KIDINS220: variants seen among roughly 807,000 people sequenced by gnomAD.
KIDINS220 encodes kinase D interacting substrate 220.
Under a neutral mutation model 157.6 loss-of-function variants are expected in KIDINS220, and 63 were observed. The observed-to-expected ratio is 0.40, with a 90% CI of 0.33 to 0.49. The LOEUF is 0.49. KIDINS220 is among the 20% of genes least tolerant of loss of function. The probability of loss-of-function intolerance (pLI) is 0.66; values close to 1 mark genes in which losing one functional copy is unlikely to be tolerated. For synonymous variants in KIDINS220, 732 were observed against 783.6 expected, an observed-to-expected ratio of 0.93 and a Z score of 1.10; for missense variants, 1,772 against 2,171.2, an observed-to-expected ratio of 0.82 and a Z score of 3.65.
intron 2 of KIDINS220, among the ~76,000 whole-genome samples, chr2:8,821,210 T>C (rs1054382023): frequency 6.6e-6 from 1 of 151,758 alleles, no homozygotes. Context: ...GTAGGAAAGA[T>C]GGTATAAATT....
intron 2 of KIDINS220, among the ~76,000 whole-genome samples, chr2:8,826,473 T>C (rs1000659509): frequency 4.6e-5 from 7 of 152,164 alleles, no homozygotes. Context: ...CCGAGCGTGG[T>C]GGCACATGCC....
At chr2:8,822,890 A>G (rs1369623656) in intron 2 of KIDINS220, among the ~76,000 whole-genome samples, 1 of 152,234 alleles carries the variant, frequency 6.6e-6, no homozygotes, top group East Asian at 1.9e-4. Context: ...AAATAAAGCA[A>G]TAAAAGGAAA....
intron 22 of KIDINS220, among the ~76,000 whole-genome samples, chr2:8,756,339 G>A (rs1668009380): frequency 6.6e-6 from 1 of 152,142 alleles, no homozygotes; most frequent in African/African-American, 2.4e-5. Context: ...TGCAAACTTT[G>A]CTGATTAATT....
chr2:8,759,457 A>C (rs766185997), intron 22 of KIDINS220, among the ~76,000 whole-genome samples: 5 of 151,644 alleles, frequency 3.3e-5, no homozygotes. Flanking sequence ...TTATGTTTTT[A>C]TATGAAGGAA....
chr2:8,808,219 A>G (rs1308142687), intron 6 of KIDINS220, among the ~76,000 whole-genome samples: 1 of 152,184 alleles, frequency 6.6e-6, no homozygotes, highest in African/African-American at 2.4e-5. Context: ...TCTCTTTTCT[A>G]GCCTCCTCTT....
Position 8,789,986 on chromosome 2 carries a change from G to A in KIDINS220, c.1515C>T (p.Thr505=), listed in dbSNP as rs1672972892. ...FQFSWLIVFL[T]LLLCGGLGLL... Reference sequence around the variant, plus strand: ...AACCAAGCCCTCCACAAAGTAGCAGGGTAAGAAACACTATGAGCCATGAGA... The same window carrying A: ...AACCAAGCCCTCCACAAAGTAGCAGAGTAAGAAACACTATGAGCCATGAGA... Residue 505 remains threonine, a synonymous_variant, in exon 14 of 30, where the codon ACC becomes ACT. Coordinates refer to ENST00000256707, the MANE Select transcript of KIDINS220 (RefSeq NM_020738.4). 6.2e-7 allele frequency: 1 copy of A among 1,613,516 alleles called. No homozygotes were observed. Among genetic ancestry groups the A allele is most frequent in the African/African-American group, 1.3e-5 (1 of 74,870 alleles).
chr2:8,744,415 T>A (rs1226303737), intron 26 of KIDINS220, among the ~76,000 whole-genome samples: 7 of 82,590 alleles, frequency 8.5e-5, no homozygotes, highest in East Asian at 1.1e-3. Flanking sequence ...TATATATATA[T>A]ATATATATAT....
chr2:8,791,160 C>T lies in KIDINS220; in HGVS notation c.1341G>A (p.Leu447=). ...MLGYDLYSSA[L]ADILSEPTMQ... ...TGGTAGGCTCACTGAGAATATCTGC[C>T]AGGGCACTGCTATATAAATCATATC... Residue 447 remains leucine, a synonymous_variant, in exon 13 of 30, where the codon CTG becomes CTA. Coordinates refer to ENST00000256707, the MANE Select transcript of KIDINS220 (RefSeq NM_020738.4). 1 of 1,614,032 alleles carries T rather than the reference C, an allele frequency of 6.2e-7. No individual in the cohort carries two copies. The highest frequency in any genetic ancestry group is 1.3e-5 in the African/African-American group (1 of 75,020).
chr2:8,743,055 T>A (rs1234077198), intron 26 of KIDINS220, among the ~76,000 whole-genome samples: 3 of 152,158 alleles, frequency 2.0e-5, no homozygotes, highest in Non-Finnish European at 4.4e-5. Context: ...GCCTCAATAC[T>A]AGGTCCTTTG....
intron 6 of KIDINS220, among the ~76,000 whole-genome samples, chr2:8,811,935 T>C (rs1031216125): frequency 6.6e-6 from 1 of 151,982 alleles, no homozygotes; most frequent in Admixed American, 6.6e-5. Flanking sequence ...CAAGGAACCA[T>C]GGCGGACAAG....
intron 21 of KIDINS220, among the ~76,000 whole-genome samples, chr2:8,775,710 G>A (rs1220901854): frequency 1.3e-5 from 2 of 152,200 alleles, no homozygotes; most frequent in African/African-American, 2.4e-5. Context: ...GAGGAGCTTT[G>A]CTGAGAAATG....
intron 6 of KIDINS220, among the ~76,000 whole-genome samples, chr2:8,811,649 G>A (rs886972400): frequency 2.6e-5 from 4 of 152,094 alleles, no homozygotes; most frequent in Admixed American, 6.6e-5. Context: ...ACAGGCTGAA[G>A]CCAAACTGAG....
chr2:8,740,911 A>G (rs954062122), intron 26 of KIDINS220, among the ~76,000 whole-genome samples: 1 of 152,250 alleles, frequency 6.6e-6, no homozygotes, highest in Non-Finnish European at 1.5e-5. Context: ...AATTTGTACC[A>G]AAGTTAATTT....
At chr2:8,832,899 A>AT (rs1679858285) in intron 1 of KIDINS220, among the ~76,000 whole-genome samples, 1 of 151,522 alleles carries the variant, frequency 6.6e-6, no homozygotes, top group Non-Finnish European at 1.5e-5. Context: ...TTTTTCCTTA[A>AT]TTTTTTTAAC....
chr2:8,737,105 TA>T (rs562660215), intron 26 of KIDINS220, 106 bp from the exon 27 acceptor site: 79 of 1,081,382 alleles, frequency 7.3e-5, no homozygotes, highest in South Asian at 1.2e-4. Context: ...TGAAGTAAAG[TA>T]AAAAAAAACA....
chr2:8,747,308 C>T (rs556899873), intron 25 of KIDINS220, 107 bp from the exon 26 acceptor site: 10 of 960,026 alleles, frequency 1.0e-5, no homozygotes, highest in African/African-American at 8.0e-5. Context: ...TGAAACTCAA[C>T]AGTTTATGTT....
chr2:8,805,048 G>C (rs1047763937), intron 7 of KIDINS220, among the ~76,000 whole-genome samples: 7 of 152,124 alleles, frequency 4.6e-5, no homozygotes, highest in Admixed American at 1.3e-4. Context: ...CACAGTTCAG[G>C]GAAGTACTAT....
chr2:8,794,108 G>C, intron 11 of KIDINS220, 121 bp from the exon 12 acceptor site: 4 of 683,330 alleles, frequency 5.9e-6, no homozygotes, highest in African/African-American at 1.8e-5. Flanking sequence ...TTCATATAAA[G>C]CACATATATA....
chr2:8,777,417 G>A (rs977703446), intron 20 of KIDINS220, among the ~76,000 whole-genome samples: 55 of 152,132 alleles, frequency 3.6e-4, no homozygotes, highest in African/African-American at 1.1e-3. Context: ...TCCCACCTCA[G>A]CCTTCTGAGT....
Sources: allele counts gnomAD v4.1 joint callset (sites outside exome capture counted in the v4.1 genomes callset), GRCh38; gene constraint gnomAD v4.1.1; transcripts MANE v1.5; gene names NCBI Gene and HGNC (gene_info 2026-07-23, HGNC 2026-07-21).